RCAN2: variants seen among roughly 807,000 people sequenced by gnomAD.
The protein encoded by RCAN2 is regulator of calcineurin 2.
In RCAN2, 9 loss-of-function variants were observed where a neutral mutation model predicts 23.6. The observed-to-expected ratio is 0.38, with a 90% CI of 0.23 to 0.67. The LOEUF (loss-of-function observed/expected upper bound fraction) is 0.67. RCAN2 is among the 30% of genes least tolerant of loss of function. RCAN2 has a pLI of 0.51. For synonymous variants in RCAN2, 109 were observed against 115.7 expected, an observed-to-expected ratio of 0.94 and a Z score of 0.37; for missense variants, 273 against 302.3, an observed-to-expected ratio of 0.90 and a Z score of 0.72.
At chr6:46,428,240 C>T (rs1340494700) in intron 2 of RCAN2, among the ~76,000 whole-genome samples, 1 of 152,154 alleles carries the variant, frequency 6.6e-6, no homozygotes. Flanking sequence ...TGAAGATTCA[C>T]TGGGGCTAGG....
intron 2 of RCAN2, among the ~76,000 whole-genome samples, chr6:46,408,163 A>G (rs915006929): frequency 6.6e-6 from 1 of 152,160 alleles, no homozygotes; most frequent in Non-Finnish European, 1.5e-5. Context: ...CCTCAAGGAG[A>G]GAGCCTTTTA....
At chr6:46,255,260 A>T (rs989083186) in intron 2 of RCAN2, among the ~76,000 whole-genome samples, 4 of 151,344 alleles carry the variant, frequency 2.6e-5, no homozygotes, top group African/African-American at 4.9e-5. Flanking sequence ...GTGTGTGTGT[A>T]TGTGTGTGTG....
chr6:46,458,896 C>CGCGCGCGCGCGCTT (rs57335093), intron 1 of RCAN2, among the ~76,000 whole-genome samples: 1 of 150,036 alleles, frequency 6.7e-6, no homozygotes, highest in African/African-American at 2.5e-5. Flanking sequence ...CGCGCGCGCA[C>CGCGCGCGCGCGCTT]GTGTGTGTGT....
intron 1 of RCAN2, among the ~76,000 whole-genome samples, chr6:46,479,960 T>C (rs1269785697): frequency 6.6e-6 from 1 of 152,186 alleles, no homozygotes; most frequent in Non-Finnish European, 1.5e-5. Context: ...TGAGGCAAAT[T>C]ACATAAGTCC....
At chr6:46,436,736 C>T (rs755569474) in intron 2 of RCAN2, among the ~76,000 whole-genome samples, 8 of 152,140 alleles carry the variant, frequency 5.3e-5, no homozygotes, top group Non-Finnish European at 1.0e-4. Flanking sequence ...TGCCTATGGT[C>T]GCACAACTAA....
chr6:46,286,644 G>C (rs1315593477), intron 2 of RCAN2, among the ~76,000 whole-genome samples: 1 of 152,196 alleles, frequency 6.6e-6, no homozygotes, highest in African/African-American at 2.4e-5. Flanking sequence ...CTTCTGGGAA[G>C]CTAGAGAATA....
intron 2 of RCAN2, among the ~76,000 whole-genome samples, chr6:46,408,139 G>T (rs905986071): frequency 1.3e-5 from 2 of 152,170 alleles, no homozygotes; most frequent in African/African-American, 4.8e-5. Flanking sequence ...TTTCAAGGGC[G>T]CCTCTGTCAG....
chr6:46,262,420 A>C (rs1767140369), intron 2 of RCAN2, among the ~76,000 whole-genome samples: 1 of 152,032 alleles, frequency 6.6e-6, no homozygotes, highest in Non-Finnish European at 1.5e-5. Context: ...GCCACCCAAA[A>C]ATCAACCTTG....
At chr6:46,330,263 G>T (rs1001150891) in intron 2 of RCAN2, among the ~76,000 whole-genome samples, 2 of 152,154 alleles carry the variant, frequency 1.3e-5, no homozygotes, top group South Asian at 2.1e-4. Context: ...AGATTCTCGG[G>T]CCCCACCCAA....
intron 2 of RCAN2, among the ~76,000 whole-genome samples, chr6:46,350,468 C>T (rs778069499): frequency 2.6e-5 from 4 of 152,062 alleles, no homozygotes; most frequent in Admixed American, 6.6e-5. Flanking sequence ...CAGGCAACCC[C>T]AATAACTGCA....
At chr6:46,437,167 G>C (rs1401954417) in intron 2 of RCAN2, among the ~76,000 whole-genome samples, 1 of 152,194 alleles carries the variant, frequency 6.6e-6, no homozygotes, top group Non-Finnish European at 1.5e-5. Context: ...TGTATGCCCT[G>C]AACAGGCAAT....
chr6:46,263,493 G>GTA (rs1342561418), intron 2 of RCAN2, among the ~76,000 whole-genome samples: 61 of 124,240 alleles, frequency 4.9e-4, no homozygotes, highest in Admixed American at 4.7e-3. Flanking sequence ...GTGTGTGTGT[G>GTA]TATGTGTGTA....
intron 2 of RCAN2, among the ~76,000 whole-genome samples, chr6:46,327,999 A>G (rs1763849224): frequency 1.3e-5 from 2 of 152,226 alleles, no homozygotes; most frequent in African/African-American, 4.8e-5. Context: ...AAGTAGAAGC[A>G]ACACATTCTA....
chr6:46,362,640 G>C lies in RCAN2; in HGVS notation c.225+94112C>G, dbSNP rs539154308. 2.0e-5 allele frequency among the ~76,000 whole-genome samples: 3 copies of C among 152,084 alleles called. No homozygotes were observed. In the East Asian group the frequency reaches 5.8e-4, roughly 29 times the overall value. On this transcript the variant is annotated intron_variant, in intron 2 of 4. Coordinates refer to ENST00000371374, the MANE Select transcript of RCAN2 (RefSeq NM_001251974.2). ...TTTTATAGTTTTTCCTTCTTTAACT[G>C]TAACTTGGTTTCCAGAGGGAAAGTC... is the stretch of plus-strand genomic sequence containing the variant.
intron 2 of RCAN2, among the ~76,000 whole-genome samples, chr6:46,322,594 C>A (rs141656724): frequency 6.6e-6 from 1 of 152,230 alleles, no homozygotes; most frequent in Non-Finnish European, 1.5e-5. Context: ...ATGAAGGAGG[C>A]CTGCTGGTTG....
chr6:46,360,458 C>T (rs886626373), intron 2 of RCAN2, among the ~76,000 whole-genome samples: 11 of 135,536 alleles, frequency 8.1e-5, no homozygotes, highest in African/African-American at 2.3e-4. Context: ...GGTGTGAACC[C>T]GGGAGGCGGA....
chr6:46,297,395 T>C (rs1377069589), intron 2 of RCAN2, among the ~76,000 whole-genome samples: 1 of 152,092 alleles, frequency 6.6e-6, no homozygotes, highest in Non-Finnish European at 1.5e-5. Flanking sequence ...AAGGGTCCTA[T>C]ACCACCAAGC....
chr6:46,253,771 G>A (rs1766813782), intron 2 of RCAN2, among the ~76,000 whole-genome samples: 1 of 152,044 alleles, frequency 6.6e-6, no homozygotes, highest in East Asian at 1.9e-4. Flanking sequence ...TCTGACTGTG[G>A]TCCCACAAGA....
intron 2 of RCAN2, among the ~76,000 whole-genome samples, chr6:46,277,060 TA>T (rs1447783823): frequency 2.0e-5 from 3 of 152,248 alleles, no homozygotes; most frequent in Admixed American, 6.5e-5. Flanking sequence ...AGGGCAAGAA[TA>T]AAACATTGTT....
Sources: gnomAD v4.1 joint callset for allele counts (sites outside exome capture counted in the v4.1 genomes callset) on GRCh38, gnomAD v4.1.1 for gene constraint, MANE v1.5 for transcripts, NCBI Gene and HGNC (gene_info 2026-07-23, HGNC 2026-07-21) for gene names.